The following POLR3C variants were observed in gnomAD, a reference collection of about 807,000 sequenced individuals.
POLR3C encodes RNA polymerase III subunit C.
Under a neutral mutation model 65.9 loss-of-function variants are expected in POLR3C, and 44 were observed. That is an observed-to-expected ratio of 0.67 (90% CI 0.52 to 0.86). The LOEUF is 0.86. Among genes scored for constraint, POLR3C ranks in the 40% least tolerant of loss-of-function variants. POLR3C has a pLI of 0.00. For synonymous variants in POLR3C, 263 were observed against 231.6 expected (o/e 1.14, Z -1.23); for missense variants, 576 against 653.2 (o/e 0.88, Z 1.29).
Position 145,838,170 on chromosome 1 carries a change from A to G in POLR3C, c.1185A>G (p.Leu395=), listed in dbSNP as rs782297258. Residue 395 remains leucine, a synonymous_variant, in exon 11 of 15, where the codon CTA becomes CTG. Transcript: ENST00000334163. ...CTGCAAAGGAGGCAAAGGATATGCT[A>G]TATAAGATGCTCTCAGAAAATTTCA... is the stretch of plus-strand genomic sequence containing the variant. ...MIPAKEAKDM[L]YKMLSENFMS... 1.3e-4 allele frequency: 215 copies of G among 1,613,754 alleles called. No homozygotes were observed. The highest frequency in any genetic ancestry group is 1.8e-4 in the Non-Finnish European group (209 of 1,179,720).
Position 145,836,547 on chromosome 1 carries a change from G to A in POLR3C, c.930G>A (p.Gln310=). 1.2e-6 allele frequency: 2 copies of A among 1,608,010 alleles called. No homozygotes were observed. Among genetic ancestry groups the A allele is most frequent in the Non-Finnish European group, 1.7e-6 (2 of 1,174,518 alleles). The change falls in exon 8 of 15, where the codon CAG becomes CAA. Residue 310 remains glutamine, a synonymous_variant. Transcript: ENST00000334163. ...ACATCTCTAAGCAAGTTCTTGATCA[G>A]TATCTCACTCTGCTGGCAGATGATC... ...GYNISKQVLD[Q]YLTLLADDPL...
chr1:145,841,895 G>A (rs1652320695), intron 14 of POLR3C, among the ~76,000 whole-genome samples: 1 of 151,920 alleles, frequency 6.6e-6, no homozygotes, highest in South Asian at 2.1e-4. Context: ...TCTGATCTTA[G>A]GAGAAAAGCT....
chr1:145,836,472 T>G (rs1651854187), intron 7 of POLR3C, 22 bp from the exon 8 acceptor site: 1 of 1,439,112 alleles, frequency 6.9e-7, no homozygotes, highest in Non-Finnish European at 9.8e-7. Flanking sequence ...CAAACCCATT[T>G]TAAGTGTCCT....
At position 145,838,134 on chromosome 1, in the gene POLR3C, T is replaced by C. The variant is rs1570748177; in HGVS notation, c.1149T>C (p.Phe383=). The C allele has an allele frequency of 6.2e-7, 1 of 1,613,816 alleles. No homozygotes were observed. The highest frequency in any genetic ancestry group is 2.2e-5 in the East Asian group (1 of 44,888). The part of the protein sequence containing the change: ...KHIEQKQVED[F]AMIPAKEAKD... ...TAGAGCAGAAGCAAGTGGAAGACTT[T>C]GCAATGATTCCTGCAAAGGAGGCAA... The change falls in exon 11 of 15, where the codon TTT becomes TTC. Residue 383 remains phenylalanine, a synonymous_variant. Transcript: ENST00000334163.
chr1:145,838,310 A>C, intron 11 of POLR3C, 104 bp downstream of exon 11: 1 of 862,570 alleles, frequency 1.2e-6, no homozygotes, highest in South Asian at 1.6e-5. Context: ...CTCTATATCC[A>C]GCTCTGAGAC....
intron 14 of POLR3C, 141 bp downstream of exon 14, chr1:145,841,212 T>A: frequency 1.4e-6 from 1 of 705,148 alleles, no homozygotes; most frequent in Non-Finnish European, 2.5e-6. Flanking sequence ...TTAATCCACC[T>A]ATTTTTGTAA....
At chr1:145,826,282 A>T (rs1553725706) in intron 2 of POLR3C, among the ~76,000 whole-genome samples, 172 bp from the exon 3 acceptor site, 1 of 152,228 alleles carries the variant, frequency 6.6e-6, no homozygotes, top group African/African-American at 2.4e-5. Context: ...TTCCTGATTT[A>T]TTGTATTGAT....
chr1:145,826,005 C>T, intron 2 of POLR3C, 82 bp downstream of exon 2: 1 of 1,164,118 alleles, frequency 8.6e-7, no homozygotes, highest in East Asian at 2.4e-5. Flanking sequence ...CTTCTCACCC[C>T]AGAAAAGGAA....
At position 145,827,006 on chromosome 1, in the gene POLR3C, G is replaced by A. The variant is rs2101631208; in HGVS notation, c.589+1G>A. 1 of 1,603,910 alleles carries A rather than the reference G, an allele frequency of 6.2e-7. No homozygotes were observed. The highest frequency in any genetic ancestry group is 1.3e-5 in the African/African-American group (1 of 74,434). ...CTGGTTCCTAAACTCAGCTTGATAG[G>A]TAAGGAATTTTAACCCCTGGAACTG... On this transcript the variant is annotated splice_donor_variant, in intron 4 of 14. Coordinates refer to ENST00000334163, the MANE Select transcript of POLR3C (RefSeq NM_006468.8). LOFTEE classifies it high-confidence loss of function.
chr1:145,838,841 G>C (rs1380867393), intron 11 of POLR3C, among the ~76,000 whole-genome samples: 2 of 152,150 alleles, frequency 1.3e-5, no homozygotes, highest in Admixed American at 6.5e-5. Context: ...AGTCTTTGCA[G>C]GGCTATTTAG....
At position 145,833,632 on chromosome 1, in the gene POLR3C, T is replaced by C. The variant is rs782340308; in HGVS notation, c.876+50T>C. ...CTTTCTGACAGATTCTTGGGTGTTA[T>C]CAACGTTTATTATACACAGATCCTG... is the stretch of plus-strand genomic sequence containing the variant. On this transcript the variant is annotated intron_variant, in intron 7 of 14. Coordinates refer to ENST00000334163, the MANE Select transcript of POLR3C (RefSeq NM_006468.8). The C allele has an allele frequency of 8.3e-6, 10 of 1,210,654 alleles. No individual in the cohort carries two copies. The East Asian group carries it at 9.3e-5, about 11-fold the overall frequency. The allele number at this position is 1,210,654 out of a possible 1,614,324, so 75.0% of individuals were successfully genotyped here.
chr1:145,841,173 A>C, intron 14 of POLR3C, 102 bp downstream of exon 14: 17 of 904,618 alleles, frequency 1.9e-5, no homozygotes, highest in Non-Finnish European at 2.6e-5. Flanking sequence ...ACCTAAACTC[A>C]CTGTCTCCTC....
chr1:145,842,195 A>G (rs1329007072), intron 14 of POLR3C, 144 bp from the exon 15 acceptor site: 2 of 603,336 alleles, frequency 3.3e-6, no homozygotes, highest in Non-Finnish European at 2.9e-6. Flanking sequence ...AAATAGCAAA[A>G]TGATCTACTG....
chr1:145,837,854 G>C (rs79888729), intron 10 of POLR3C, among the ~76,000 whole-genome samples: 4,163 of 152,278 alleles, frequency 0.027, 90 homozygotes, highest in Non-Finnish European at 0.04. Context: ...AAATGAGTCA[G>C]CAGTTGGTGA....
chr1:145,837,509 T>G lies in POLR3C; in HGVS notation c.1010-27T>G, dbSNP rs1553729062. 6 of 1,362,038 alleles carry G rather than the reference T, an allele frequency of 4.4e-6. No individual in the cohort carries two copies. The South Asian group carries it at 8.0e-5, about 18-fold the overall frequency. The allele number at this position is 1,362,038 out of a possible 1,614,324, so 84.4% of individuals were successfully genotyped here. A position where few individuals can be genotyped will look rare whatever the true frequency, so the allele number is the denominator to read the frequency against. ...CACAATAACTAGGCCAAAACATTACTGAGTGACCTTAATTCTCTACATAAA... is the reference window on the plus strand; with the variant it reads ...CACAATAACTAGGCCAAAACATTACGGAGTGACCTTAATTCTCTACATAAA... On this transcript the variant is annotated intron_variant, in intron 9 of 14. Transcript: ENST00000334163.
At position 145,842,456 on chromosome 1, in the gene POLR3C, G is replaced by A; in HGVS notation, c.*36G>A. On this transcript the variant is annotated 3_prime_UTR_variant, in exon 15 of 15. Transcript: ENST00000334163. ...GCATCTTCCTCAGAAGATCTGGGGG[G>A]ATGGAAAGCAAAATAAAGGAGGTGC... 7.2e-7 allele frequency: 1 copy of A among 1,395,938 alleles called. No individual in the cohort carries two copies. The highest frequency in any genetic ancestry group is 1.0e-6 in the Non-Finnish European group (1 of 982,586). 86.5% of individuals were successfully genotyped at this position (1,395,938 alleles called of 1,614,324 possible).
chr1:145,831,587 G>A (rs782749750), intron 5 of POLR3C, among the ~76,000 whole-genome samples: 1 of 151,906 alleles, frequency 6.6e-6, no homozygotes, highest in African/African-American at 2.4e-5. Flanking sequence ...GTTGAAGCCT[G>A]GAGAGCAGAT....
chr1:145,828,957 T>A, intron 5 of POLR3C, 120 bp downstream of exon 5: 1 of 641,916 alleles, frequency 1.6e-6, no homozygotes. Context: ...ATTATGAACC[T>A]CATTAAATAT....
At position 145,838,182 on chromosome 1, in the gene POLR3C, C is replaced by T. The variant is rs782468183; in HGVS notation, c.1197C>T (p.Leu399=). The T allele has an allele frequency of 1.9e-6, 3 of 1,613,698 alleles. No homozygotes were observed. Among genetic ancestry groups the T allele is most frequent in the Non-Finnish European group, 2.5e-6 (3 of 1,179,608 alleles). Residue 399 remains leucine, a synonymous_variant, in exon 11 of 15, where the codon CTC becomes CTT. Transcript: ENST00000334163. Reference sequence around the variant, plus strand: ...CAAAGGATATGCTATATAAGATGCTCTCAGAAAATTTCATGTCACTCCAGG... The same window carrying T: ...CAAAGGATATGCTATATAAGATGCTTTCAGAAAATTTCATGTCACTCCAGG... ...KEAKDMLYKM[L]SENFMSLQEI...
Sources: gnomAD v4.1 joint callset for allele counts (sites outside exome capture counted in the v4.1 genomes callset) on GRCh38, gnomAD v4.1.1 for gene constraint, MANE v1.5 for transcripts, NCBI Gene and HGNC (gene_info 2026-07-23, HGNC 2026-07-21) for gene names.